Variants in ATXN7L3B observed in about 807,000 individuals in gnomAD.
ATXN7L3B encodes ataxin-7-like protein 3B.
In ATXN7L3B, 4 loss-of-function variants were observed where a neutral mutation model predicts 6.3. The observed-to-expected ratio is 0.63, with a 90% CI of 0.31 to 1.45. The LOEUF (loss-of-function observed/expected upper bound fraction) is 1.45. ATXN7L3B is among the 40% of genes most tolerant of loss of function. The pLI is 0.07. For synonymous variants in ATXN7L3B, 63 were observed against 48.0 expected, an observed-to-expected ratio of 1.31 and a Z score of -1.29; for missense variants, 120 against 118.5, an observed-to-expected ratio of 1.01 and a Z score of -0.06.
In ATXN7L3B at chr12:74,539,307, C is replaced by G. The variant is rs189485719; in HGVS notation, c.*901C>G. 2.4e-5 allele frequency: 4 copies of G among 165,104 alleles called. No individual in the cohort carries two copies. The highest frequency in any genetic ancestry group is 6.0e-5 in the Non-Finnish European group (4 of 67,194). The allele number at this position is 165,104 out of a possible 1,614,324, so 10.2% of individuals were successfully genotyped here. ...TTTCCTACTCTGAGTTACTGGTTAC[C>G]TAGCCAGTCCATGGGTGTGACTTGG... On this transcript the variant is annotated 3_prime_UTR_variant, in exon 1 of 1. Coordinates refer to ENST00000519948, the MANE Select transcript of ATXN7L3B (RefSeq NM_001136262.2).
Position 74,544,197 on chromosome 12 carries a change from C to T in ATXN7L3B, c.*5791C>T, listed in dbSNP as rs1868966878. 1 of 151,972 alleles carries T rather than the reference C, an allele frequency of 6.6e-6. No individual in the cohort carries two copies. Among genetic ancestry groups the T allele is most frequent in the Non-Finnish European group, 1.5e-5 (1 of 67,850 alleles). 9.4% of individuals were successfully genotyped at this position (151,972 alleles called of 1,614,324 possible). ...TTATAACAGTCCTATGAAATAATAT[C>T]ACAAGAACTGTGTAAGATTTTATAA... On this transcript the variant is annotated 3_prime_UTR_variant, in exon 1 of 1. Coordinates refer to ENST00000519948, the MANE Select transcript of ATXN7L3B (RefSeq NM_001136262.2).
Position 74,538,302 on chromosome 12 carries a change from G to A in ATXN7L3B, c.190G>A (p.Val64Met). The A allele has an allele frequency of 2.6e-6, 4 of 1,557,760 alleles. No individual in the cohort carries two copies. The highest frequency in any genetic ancestry group is 3.5e-6 in the Non-Finnish European group (4 of 1,150,654). Residue 64 changes from valine (V) to methionine (M), a missense_variant, in exon 1 of 1, where the codon GTG becomes ATG. Transcript: ENST00000519948. ...GSVKDFGIQP[V>M]EDKGACRLPL... The stretch of plus-strand genomic sequence containing the variant: ...CGTGAAGGATTTTGGCATTCAGCCA[G>A]TGGAAGACAAAGGAGCGTGCCGCCT...
chr12:74,537,877 T>G lies in ATXN7L3B; in HGVS notation c.-236T>G. 1.8e-6 allele frequency: 1 copy of G among 543,312 alleles called. No homozygotes were observed. The highest frequency in any genetic ancestry group is 3.3e-6 in the Non-Finnish European group (1 of 303,882). 33.7% of individuals were successfully genotyped at this position (543,312 alleles called of 1,614,324 possible). ...GCTGAGACGGTTTGGCGGTGAGTCC[T>G]GGGCCAGGCGCAGCTGAAAGGCCCG... On this transcript the variant is annotated 5_prime_UTR_variant, in exon 1 of 1. Transcript: ENST00000519948.
Position 74,544,221 on chromosome 12 carries a change from A to G in ATXN7L3B, c.*5815A>G, listed in dbSNP as rs938247669. 2.0e-5 allele frequency: 3 copies of G among 152,042 alleles called. No individual in the cohort carries two copies. Among genetic ancestry groups the G allele is most frequent in the African/African-American group, 4.8e-5 (2 of 41,466 alleles). 9.4% of individuals were successfully genotyped at this position (152,042 alleles called of 1,614,324 possible). ...TCACAAGAACTGTGTAAGATTTTAT[A>G]AAGAAAATAATATTTTCTAATATGT... On this transcript the variant is annotated 3_prime_UTR_variant, in exon 1 of 1. Transcript: ENST00000519948.
chr12:74,538,611 T>G lies in ATXN7L3B; in HGVS notation c.*205T>G. Reference sequence around the variant, plus strand: ...TTACCTGGAGCAAGCTCTGAAGCCCTGGGCAGGAGGAGCTGCACAGCCTGC... The same window carrying G: ...TTACCTGGAGCAAGCTCTGAAGCCCGGGGCAGGAGGAGCTGCACAGCCTGC... On this transcript the variant is annotated 3_prime_UTR_variant, in exon 1 of 1. Transcript: ENST00000519948. 1.7e-6 allele frequency: 1 copy of G among 599,938 alleles called. No individual in the cohort carries two copies. 37.2% of individuals were successfully genotyped at this position (599,938 alleles called of 1,614,324 possible).
At position 74,538,560 on chromosome 12, in the gene ATXN7L3B, T is replaced by C. The variant is rs1465996646; in HGVS notation, c.*154T>C. 1.4e-6 allele frequency: 1 copy of C among 737,010 alleles called. No homozygotes were observed. The highest frequency in any genetic ancestry group is 2.2e-6 in the Non-Finnish European group (1 of 449,840). The allele number at this position is 737,010 out of a possible 1,614,324, so 45.7% of individuals were successfully genotyped here. A position where few individuals can be genotyped will look rare whatever the true frequency, so the allele number is the denominator to read the frequency against. ...GCATTTAAAAACCCAAAGTGGATAA[T>C]TTAGGAATCCTTTTTTTAAAGTGTA... is the stretch of plus-strand genomic sequence containing the variant. On this transcript the variant is annotated 3_prime_UTR_variant, in exon 1 of 1. Transcript: ENST00000519948.
chr12:74,538,531 C>G lies in ATXN7L3B; in HGVS notation c.*125C>G. 1.1e-6 allele frequency: 1 copy of G among 927,822 alleles called. No individual in the cohort carries two copies. The highest frequency in any genetic ancestry group is 1.6e-6 in the Non-Finnish European group (1 of 623,412). 57.5% of individuals were successfully genotyped at this position (927,822 alleles called of 1,614,324 possible). A position where few individuals can be genotyped will look rare whatever the true frequency, so the allele number is the denominator to read the frequency against. On this transcript the variant is annotated 3_prime_UTR_variant, in exon 1 of 1. Transcript: ENST00000519948. ...AAAGTTTTAATTCCCCCTTGAAGATCCTAGCATTTAAAAACCCAAAGTGGA... is the reference window on the plus strand; with the variant it reads ...AAAGTTTTAATTCCCCCTTGAAGATGCTAGCATTTAAAAACCCAAAGTGGA...
At position 74,540,997 on chromosome 12, in the gene ATXN7L3B, A is replaced by G. The variant is rs1363108427; in HGVS notation, c.*2591A>G. The G allele has an allele frequency of 6.0e-6, 1 of 166,850 alleles. No individual in the cohort carries two copies. The highest frequency in any genetic ancestry group is 1.5e-5 in the Non-Finnish European group (1 of 68,088). 10.3% of individuals were successfully genotyped at this position (166,850 alleles called of 1,614,324 possible). A position where few individuals can be genotyped will look rare whatever the true frequency, so the allele number is the denominator to read the frequency against. On this transcript the variant is annotated 3_prime_UTR_variant, in exon 1 of 1. Transcript: ENST00000519948. ...GTACATACTCCTTTCTGGGGAGAGA[A>G]TGCTCCCTACCATATAGTTGACAGT...
At position 74,538,710 on chromosome 12, in the gene ATXN7L3B, G is replaced by T; in HGVS notation, c.*304G>T. The T allele has an allele frequency of 2.7e-6, 1 of 374,298 alleles. No homozygotes were observed. The allele number at this position is 374,298 out of a possible 1,614,324, so 23.2% of individuals were successfully genotyped here. On this transcript the variant is annotated 3_prime_UTR_variant, in exon 1 of 1. Coordinates refer to ENST00000519948, the MANE Select transcript of ATXN7L3B (RefSeq NM_001136262.2). Reference sequence around the variant, plus strand: ...GATCCTGTAGTGCCCCCAGTGCACAGGTGAGCAGTTGTGTGCCCAGCATAT... The same window carrying T: ...GATCCTGTAGTGCCCCCAGTGCACATGTGAGCAGTTGTGTGCCCAGCATAT...
In ATXN7L3B at chr12:74,538,062, T is replaced by C; in HGVS notation, c.-51T>C. The C allele has an allele frequency of 2.0e-6, 3 of 1,524,666 alleles. No homozygotes were observed. The highest frequency in any genetic ancestry group is 2.7e-6 in the Non-Finnish European group (3 of 1,129,694). 94.4% of individuals were successfully genotyped at this position (1,524,666 alleles called of 1,614,324 possible). ...GCGCGGCCCGCGGAGCCAGACGTGT[T>C]GCTGCCGTGAGTAAAACGAGCGCCC... is the stretch of plus-strand genomic sequence containing the variant. On this transcript the variant is annotated 5_prime_UTR_variant, in exon 1 of 1. Transcript: ENST00000519948.
Position 74,543,768 on chromosome 12 carries a change from A to G in ATXN7L3B, c.*5362A>G, listed in dbSNP as rs1351400750. On this transcript the variant is annotated 3_prime_UTR_variant, in exon 1 of 1. Transcript: ENST00000519948. ...TGAACTGATACTGAAAAATAGTTTG[A>G]AAAAATTCAATACGAATTATTGCCT... 6.6e-6 allele frequency: 1 copy of G among 152,050 alleles called. No individual in the cohort carries two copies. Among genetic ancestry groups the G allele is most frequent in the African/African-American group, 2.4e-5 (1 of 41,454 alleles). 9.4% of individuals were successfully genotyped at this position (152,050 alleles called of 1,614,324 possible).
rs998586710 is a variant in ATXN7L3B at position 74,538,687 on chromosome 12, TC to T, written c.*283del. 24 of 441,514 alleles carry T rather than the reference TC, an allele frequency of 5.4e-5. No homozygotes were observed. The highest frequency in any genetic ancestry group is 4.4e-4 in the African/African-American group (22 of 50,488). The allele number at this position is 441,514 out of a possible 1,614,324, so 27.3% of individuals were successfully genotyped here. A position where few individuals can be genotyped will look rare whatever the true frequency, so the allele number is the denominator to read the frequency against. ...TAAACACACCAGGATGTGCGCAAGA[TC>T]CTGTAGTGCCCCCAGTGCACAGGTG... On this transcript the variant is annotated 3_prime_UTR_variant, in exon 1 of 1. Coordinates refer to ENST00000519948, the MANE Select transcript of ATXN7L3B (RefSeq NM_001136262.2).
rs958121214 is a variant in ATXN7L3B, at chr12:74,543,153, T to G, written c.*4747T>G. On this transcript the variant is annotated 3_prime_UTR_variant, in exon 1 of 1. Coordinates refer to ENST00000519948, the MANE Select transcript of ATXN7L3B (RefSeq NM_001136262.2). ...TTGAAAACATTTTCAATCATATTTCTTGAGACTCATTGGAAATATGTGAGC... is the reference window on the plus strand; with the variant it reads ...TTGAAAACATTTTCAATCATATTTCGTGAGACTCATTGGAAATATGTGAGC... 3 of 152,106 alleles carry G rather than the reference T, an allele frequency of 2.0e-5. No individual in the cohort carries two copies. The highest frequency in any genetic ancestry group is 4.4e-5 in the Non-Finnish European group (3 of 67,970). 9.4% of individuals were successfully genotyped at this position (152,106 alleles called of 1,614,324 possible). A position where few individuals can be genotyped will look rare whatever the true frequency, so the allele number is the denominator to read the frequency against.
rs547865714 is a variant in ATXN7L3B, at chr12:74,537,947, G to A, written c.-166G>A. 82 of 629,800 alleles carry A rather than the reference G, an allele frequency of 1.3e-4. No homozygotes were observed. The African/African-American group carries it at 1.3e-3, about 10-fold the overall frequency. The allele number at this position is 629,800 out of a possible 1,614,324, so 39.0% of individuals were successfully genotyped here. A position where few individuals can be genotyped will look rare whatever the true frequency, so the allele number is the denominator to read the frequency against. ...ACAAACAGAAGGACTTGGGATTCCGGAGCAGTCGCCCCTATCGCTGCTCCT... is the reference window on the plus strand; with the variant it reads ...ACAAACAGAAGGACTTGGGATTCCGAAGCAGTCGCCCCTATCGCTGCTCCT... On this transcript the variant is annotated 5_prime_UTR_variant, in exon 1 of 1. Coordinates refer to ENST00000519948, the MANE Select transcript of ATXN7L3B (RefSeq NM_001136262.2).
chr12:74,544,822 A>C lies in ATXN7L3B; in HGVS notation c.*6416A>C, dbSNP rs1868983433. The C allele has an allele frequency of 6.6e-6, 1 of 152,162 alleles. No individual in the cohort carries two copies. The highest frequency in any genetic ancestry group is 1.9e-4 in the East Asian group (1 of 5,188). 9.4% of individuals were successfully genotyped at this position (152,162 alleles called of 1,614,324 possible). A position where few individuals can be genotyped will look rare whatever the true frequency, so the allele number is the denominator to read the frequency against. The stretch of plus-strand genomic sequence containing the variant: ...TCATTAAATCATACTAGAAACAAAC[A>C]AACCAATAACCTGATGTGCTAGTTG... On this transcript the variant is annotated 3_prime_UTR_variant, in exon 1 of 1. Coordinates refer to ENST00000519948, the MANE Select transcript of ATXN7L3B (RefSeq NM_001136262.2).
In ATXN7L3B at chr12:74,544,705, C is replaced by T. The variant is rs1008236408; in HGVS notation, c.*6299C>T. The T allele has an allele frequency of 2.6e-5, 4 of 151,900 alleles. No individual in the cohort carries two copies. Among genetic ancestry groups the T allele is most frequent in the African/African-American group, 4.8e-5 (2 of 41,406 alleles). The allele number at this position is 151,900 out of a possible 1,614,324, so 9.4% of individuals were successfully genotyped here. A position where few individuals can be genotyped will look rare whatever the true frequency, so the allele number is the denominator to read the frequency against. On this transcript the variant is annotated 3_prime_UTR_variant, in exon 1 of 1. Transcript: ENST00000519948. ...CTAGAAAAATATAGGAGGATGTGTT[C>T]ATAATTGTGTATAAGGGGAAAATTT...
chr12:74,539,214 A>G lies in ATXN7L3B; in HGVS notation c.*808A>G, dbSNP rs939718213. ...GCAGGGACCTCTGCAACTATGCATG[A>G]TTTCTCAAACTTCAAGATTCATGTC... On this transcript the variant is annotated 3_prime_UTR_variant, in exon 1 of 1. Transcript: ENST00000519948. 4 of 167,102 alleles carry G rather than the reference A, an allele frequency of 2.4e-5. No homozygotes were observed. The highest frequency in any genetic ancestry group is 4.4e-5 in the Non-Finnish European group (3 of 68,146). 10.4% of individuals were successfully genotyped at this position (167,102 alleles called of 1,614,324 possible).
chr12:74,541,516 A>C lies in ATXN7L3B; in HGVS notation c.*3110A>C, dbSNP rs975381552. Reference sequence around the variant, plus strand: ...GCTGTATGTTTTCAGGCATTGACATAATGAGATAAACGTTGAAATGCTATT... The same window carrying C: ...GCTGTATGTTTTCAGGCATTGACATCATGAGATAAACGTTGAAATGCTATT... On this transcript the variant is annotated 3_prime_UTR_variant, in exon 1 of 1. Coordinates refer to ENST00000519948, the MANE Select transcript of ATXN7L3B (RefSeq NM_001136262.2). 5.0e-5 allele frequency: 8 copies of C among 159,542 alleles called. No individual in the cohort carries two copies. The highest frequency in any genetic ancestry group is 1.9e-4 in the African/African-American group (8 of 41,570). 9.9% of individuals were successfully genotyped at this position (159,542 alleles called of 1,614,324 possible). A position where few individuals can be genotyped will look rare whatever the true frequency, so the allele number is the denominator to read the frequency against.
Position 74,538,536 on chromosome 12 carries a change from C to A in ATXN7L3B, c.*130C>A. The A allele has an allele frequency of 1.2e-6, 1 of 869,004 alleles. No homozygotes were observed. The highest frequency in any genetic ancestry group is 1.8e-5 in the South Asian group (1 of 54,670). The allele number at this position is 869,004 out of a possible 1,614,324, so 53.8% of individuals were successfully genotyped here. A position where few individuals can be genotyped will look rare whatever the true frequency, so the allele number is the denominator to read the frequency against. On this transcript the variant is annotated 3_prime_UTR_variant, in exon 1 of 1. Transcript: ENST00000519948. ...TTTAATTCCCCCTTGAAGATCCTAG[C>A]ATTTAAAAACCCAAAGTGGATAATT...
Sources: allele counts gnomAD v4.1 joint callset, GRCh38; gene constraint gnomAD v4.1.1; transcripts MANE v1.5; gene names NCBI Gene and HGNC (gene_info 2026-07-23, HGNC 2026-07-21).